The following FOXO3 variants were observed in gnomAD, a reference collection of about 807,000 sequenced individuals.
FOXO3 encodes forkhead box protein O3.
A neutral mutation model predicts 41.9 loss-of-function variants in FOXO3; 4 were observed. That is an observed-to-expected ratio of 0.10 (90% CI 0.05 to 0.22). The LOEUF is 0.22. Among genes scored for constraint, FOXO3 ranks in the 10% least tolerant of loss-of-function variants. The pLI, the probability that FOXO3 is intolerant of heterozygous loss-of-function variation, is 1.00. For missense variants in FOXO3, 534 were observed against 906.8 expected (o/e 0.59, Z 5.28); for synonymous variants, 318 against 389.3 (o/e 0.82, Z 2.16).
chr6:108,566,714 T>C (rs1232857358), intron 1 of FOXO3, among the ~76,000 whole-genome samples: 3 of 152,178 alleles, frequency 2.0e-5, no homozygotes, highest in Non-Finnish European at 4.4e-5. Flanking sequence ...ATTTTGCCTA[T>C]AGGGACAGAC....
intron 1 of FOXO3, among the ~76,000 whole-genome samples, chr6:108,604,687 C>T (rs1295480818): frequency 2.0e-5 from 3 of 151,996 alleles, no homozygotes; most frequent in African/African-American, 7.2e-5. Flanking sequence ...ATGTTTCAGG[C>T]CCCCTCAACT....
At chr6:108,654,848 G>GT in intron 1 of FOXO3, among the ~76,000 whole-genome samples, 3 of 151,884 alleles carry the variant, frequency 2.0e-5, no homozygotes, top group Admixed American at 2.0e-4. Context: ...TTACATGAAA[G>GT]TTTATGTTTT....
At chr6:108,576,698 T>C (rs983051119) in intron 1 of FOXO3, among the ~76,000 whole-genome samples, 22 of 152,208 alleles carry the variant, frequency 1.4e-4, no homozygotes, top group African/African-American at 3.6e-4. Context: ...TGGAAATACA[T>C]CTGGATTTTT....
intron 1 of FOXO3, among the ~76,000 whole-genome samples, chr6:108,616,725 C>T (rs547188519): frequency 2.6e-5 from 4 of 152,212 alleles, no homozygotes; most frequent in African/African-American, 9.6e-5. Flanking sequence ...GTTGTGCAAC[C>T]ACAATCTAAT....
chr6:108,624,824 C>G (rs1408269182), intron 1 of FOXO3, among the ~76,000 whole-genome samples: 5 of 152,030 alleles, frequency 3.3e-5, no homozygotes, highest in Non-Finnish European at 7.4e-5. Flanking sequence ...GAGTCTTGCT[C>G]TGTTGCCCAG....
At chr6:108,616,170 T>G (rs1172670242) in intron 1 of FOXO3, among the ~76,000 whole-genome samples, 6 of 139,476 alleles carry the variant, frequency 4.3e-5, no homozygotes, top group Admixed American at 2.9e-4. Context: ...TTTTTTTTTT[T>G]TTTTTTTTTT....
chr6:108,580,480 C>G (rs1776384725), intron 1 of FOXO3, among the ~76,000 whole-genome samples: 1 of 152,186 alleles, frequency 6.6e-6, no homozygotes, highest in Admixed American at 6.5e-5. Context: ...GCCACCGTGC[C>G]CAGCCTTAGC....
chr6:108,566,393 A>G (rs1775947922), intron 1 of FOXO3, among the ~76,000 whole-genome samples: 1 of 152,184 alleles, frequency 6.6e-6, no homozygotes, highest in Non-Finnish European at 1.5e-5. Context: ...AAAACCTGCA[A>G]GATACTTTTA....
intron 1 of FOXO3, among the ~76,000 whole-genome samples, chr6:108,650,235 G>A (rs1778510399): frequency 6.6e-6 from 1 of 152,166 alleles, no homozygotes; most frequent in Non-Finnish European, 1.5e-5. Flanking sequence ...GGACCAGTGA[G>A]CCCTGGAGCA....
rs763092520 is a variant in FOXO3, at chr6:108,665,813, A to G, written c.*34+924A>G. On this transcript the variant is annotated intron_variant, in intron 2 of 2. Coordinates refer to ENST00000406360, the MANE Select transcript of FOXO3 (RefSeq NM_001455.4). ...GGTAAAGCAAGAACCTATCTCTTAG[A>G]AAAAAAAAAAAAAAAAGCCAAAAAA... Among the ~76,000 whole-genome samples, 18 of 6,868 alleles carry G rather than the reference A, an allele frequency of 2.6e-3. No individual in the cohort carries two copies. In the Non-Finnish European group the frequency reaches 0.031, roughly 12 times the overall value. The allele number at this position is 6,868 out of a possible 152,430, so 4.5% of individuals were successfully genotyped here.
In FOXO3 at chr6:108,682,261, A is replaced by G. The variant is rs1333725542; in HGVS notation, c.*2469A>G. 6.6e-6 allele frequency: 1 copy of G among 151,374 alleles called. No homozygotes were observed. Among genetic ancestry groups the G allele is most frequent in the Non-Finnish European group, 1.5e-5 (1 of 67,052 alleles). 9.4% of individuals were successfully genotyped at this position (151,374 alleles called of 1,614,324 possible). On this transcript the variant is annotated 3_prime_UTR_variant, in exon 3 of 3. Transcript: ENST00000406360. ...TGTTGAATTTCAGGCAGAATGTCTT[A>G]CAGAATGTCCTAGAACCAGATTATC...
chr6:108,640,555 T>G (rs972646156), intron 1 of FOXO3, among the ~76,000 whole-genome samples: 3 of 152,230 alleles, frequency 2.0e-5, no homozygotes, highest in Admixed American at 6.5e-5. Flanking sequence ...ATTATCTTGA[T>G]GTTTAAAGTG....
intron 1 of FOXO3, among the ~76,000 whole-genome samples, chr6:108,599,662 T>G (rs998527632): frequency 6.6e-6 from 1 of 152,186 alleles, no homozygotes; most frequent in African/African-American, 2.4e-5. Context: ...CCATTCTCCT[T>G]TAAGAAAAAA....
intron 1 of FOXO3, among the ~76,000 whole-genome samples, chr6:108,563,970 A>G (rs1289038216): frequency 6.8e-6 from 1 of 147,688 alleles, no homozygotes; most frequent in Non-Finnish European, 1.5e-5. Flanking sequence ...TTTTTTTTTT[A>G]CCCTTCTCTG....
intron 1 of FOXO3, among the ~76,000 whole-genome samples, chr6:108,643,913 G>A (rs1778327096): frequency 6.6e-6 from 1 of 152,166 alleles, no homozygotes; most frequent in Non-Finnish European, 1.5e-5. Context: ...ATCAAAATCT[G>A]TATTCTAGAA....
intron 1 of FOXO3, among the ~76,000 whole-genome samples, chr6:108,633,182 AAATGAG>A (rs1398853176): frequency 9.2e-5 from 14 of 152,208 alleles, no homozygotes; most frequent in African/African-American, 2.9e-4. Context: ...TGGATAAATA[AAATGAG>A]ATGTAGAGGC....
At chr6:108,560,217 C>T (rs1775733371), upstream of FOXO3, among the ~76,000 whole-genome samples, 1 of 152,216 alleles carries the variant, frequency 6.6e-6, no homozygotes, top group African/African-American at 2.4e-5. Flanking sequence ...GATGAACGTG[C>T]TGGTCCGGGT....
chr6:108,604,841 A>C (rs556066531), intron 1 of FOXO3, among the ~76,000 whole-genome samples: 1 of 152,066 alleles, frequency 6.6e-6, no homozygotes, highest in Non-Finnish European at 1.5e-5. Flanking sequence ...TCTGAATGTC[A>C]TGAGTTTGGT....
At chr6:108,653,626 A>G (rs536282283) in intron 1 of FOXO3, among the ~76,000 whole-genome samples, 1 of 152,196 alleles carries the variant, frequency 6.6e-6, no homozygotes, top group African/African-American at 2.4e-5. Flanking sequence ...AGCTATTGCT[A>G]TTTTTACTGA....
Sources: gnomAD v4.1 joint callset for allele counts (sites outside exome capture counted in the v4.1 genomes callset) on GRCh38, gnomAD v4.1.1 for gene constraint, MANE v1.5 for transcripts, NCBI Gene and HGNC (gene_info 2026-07-23, HGNC 2026-07-21) for gene names.